Variants in LRCH1 observed in about 807,000 individuals in gnomAD.
The protein encoded by LRCH1 is leucine rich repeats and calponin homology domain containing 1, also known as leucine-rich repeat and calponin homology domain-containing protein 1.
Under a neutral mutation model 94.9 loss-of-function variants are expected in LRCH1, and 23 were observed. The ratio of observed to expected loss-of-function variants is 0.24; its 90% CI spans 0.17 to 0.34. LRCH1 has a LOEUF of 0.34. LRCH1 is among the 10% of genes least tolerant of loss of function. The probability of loss-of-function intolerance (pLI) is 1.00; values close to 1 mark genes in which losing one functional copy is unlikely to be tolerated. For synonymous variants in LRCH1, 364 were observed against 354.9 expected (o/e 1.03, Z -0.29); for missense variants, 790 against 945.9 (o/e 0.84, Z 2.16).
At chr13:46,566,435 C>G (rs555045198) in intron 1 of LRCH1, among the ~76,000 whole-genome samples, 30 of 152,082 alleles carry the variant, frequency 2.0e-4, no homozygotes, top group Admixed American at 1.9e-3. Context: ...TATGGTAACT[C>G]GGAAGGGGGA....
intron 18 of LRCH1, among the ~76,000 whole-genome samples, chr13:46,750,343 A>G (rs1337186173): frequency 6.6e-6 from 1 of 152,154 alleles, no homozygotes; most frequent in African/African-American, 2.4e-5. Context: ...TGCATGTGTG[A>G]AAAATCATTA....
At chr13:46,578,060 T>A (rs2050323145) in intron 1 of LRCH1, among the ~76,000 whole-genome samples, 1 of 152,206 alleles carries the variant, frequency 6.6e-6, no homozygotes, top group Non-Finnish European at 1.5e-5. Context: ...ATTTGCTCCC[T>A]TATAATCACA....
At chr13:46,737,636 A>G (rs967161536) in intron 19 of LRCH1, among the ~76,000 whole-genome samples, 2 of 152,164 alleles carry the variant, frequency 1.3e-5, no homozygotes, top group African/African-American at 4.8e-5. Flanking sequence ...GGGCTTCCAA[A>G]TTCTTTGGGA....
downstream of LRCH1, among the ~76,000 whole-genome samples, chr13:46,748,570 A>T (rs143650049): frequency 3.9e-5 from 6 of 152,334 alleles, no homozygotes; most frequent in East Asian, 1.2e-3. Flanking sequence ...GGACACTGTC[A>T]TCAGGCCACA....
intron 1 of LRCH1, among the ~76,000 whole-genome samples, chr13:46,631,585 T>C (rs1017307810): frequency 2.0e-5 from 3 of 152,196 alleles, no homozygotes; most frequent in African/African-American, 7.2e-5. Context: ...ACTTTTTTTT[T>C]CTAGTAATTT....
rs914015450 is a variant in LRCH1, at chr13:46,690,770, T to G, written c.1014+1574T>G. On this transcript the variant is annotated intron_variant, in intron 7 of 19. Transcript: ENST00000389797. Reference sequence around the variant, plus strand: ...TTCCTAAGTACACCTCCAAGAAATTTATTTTTTAGAGTGATAAGTGTTCCA... The same window carrying G: ...TTCCTAAGTACACCTCCAAGAAATTGATTTTTTAGAGTGATAAGTGTTCCA... Among the ~76,000 whole-genome samples, 4 of 152,210 alleles carry G rather than the reference T, an allele frequency of 2.6e-5. No homozygotes were observed. In the South Asian group the frequency reaches 8.3e-4, roughly 32 times the overall value.
chr13:46,703,512 A>C (rs1871595167), intron 11 of LRCH1, among the ~76,000 whole-genome samples: 1 of 152,200 alleles, frequency 6.6e-6, no homozygotes, highest in African/African-American at 2.4e-5. Context: ...AAAACTTCGG[A>C]GTGAAATCTA....
At chr13:46,728,542 T>C (rs979743149) in intron 17 of LRCH1, among the ~76,000 whole-genome samples, 26 of 152,254 alleles carry the variant, frequency 1.7e-4, no homozygotes, top group African/African-American at 5.5e-4. Context: ...TAATCCCTCT[T>C]CTGCCCCATG....
At chr13:46,664,552 G>A (rs2051490771) in intron 2 of LRCH1, among the ~76,000 whole-genome samples, 1 of 152,202 alleles carries the variant, frequency 6.6e-6, no homozygotes, top group Non-Finnish European at 1.5e-5. Context: ...TAGACACTTA[G>A]GTTTGTGTAA....
intron 1 of LRCH1, among the ~76,000 whole-genome samples, chr13:46,639,275 CT>C (rs1404065816): frequency 1.3e-5 from 2 of 152,166 alleles, no homozygotes; most frequent in Non-Finnish European, 2.9e-5. Flanking sequence ...GAAGTCCACT[CT>C]TTTCTCTGAT....
rs35848521 is a variant in LRCH1 at position 46,567,492 on chromosome 13, T to TTGTGTGTGTGTGTGTGTGTGTGTGTG, written c.307+13799_307+13824dup. Among the ~76,000 whole-genome samples, 179 of 141,946 alleles carry TTGTGTGTGTGTGTGTGTGTGTGTGTG rather than the reference T, an allele frequency of 1.3e-3. 2 individuals are homozygous for TTGTGTGTGTGTGTGTGTGTGTGTGTG. The highest frequency in any genetic ancestry group is 4.6e-3 in the African/African-American group (171 of 37,056). The allele number at this position is 141,946 out of a possible 152,430, so 93.1% of individuals were successfully genotyped here. A position where few individuals can be genotyped will look rare whatever the true frequency, so the allele number is the denominator to read the frequency against. On this transcript the variant is annotated intron_variant, in intron 1 of 19. Transcript: ENST00000389797. ...TCTCTGCATGCAATTTAAGGCAATT[T>TTGTGTGTGTGTGTGTGTGTGTGTGTG]TGTGTGTGTGTGTGTGTGTGTGTGT...
rs529244509 is a variant in LRCH1 at position 46,744,766 on chromosome 13, T to C, written c.*2918T>C. On this transcript the variant is annotated 3_prime_UTR_variant, in exon 20 of 20. Coordinates refer to ENST00000389797, the MANE Select transcript of LRCH1 (RefSeq NM_001164211.2). ...AAAGTAGGGATGATATTTTAAAATT[T>C]TAAGAAACTGAAAGTTGTTTTGGAT... is the stretch of plus-strand genomic sequence containing the variant. The C allele has an allele frequency of 8.8e-4, 870 of 985,376 alleles. 1 individual carries two copies. Among genetic ancestry groups the C allele is most frequent in the Middle Eastern group, 5.2e-3 (10 of 1,914 alleles). 61.0% of individuals were successfully genotyped at this position (985,376 alleles called of 1,614,324 possible). A position where few individuals can be genotyped will look rare whatever the true frequency, so the allele number is the denominator to read the frequency against.
Position 46,743,556 on chromosome 13 carries a change from C to T in LRCH1, c.*1708C>T, listed in dbSNP as rs1873773104. ...CTTTGTACGATGTCTAATGAGCACC[C>T]TGAGCCATAAATTGCTTAATAAACA... is the stretch of plus-strand genomic sequence containing the variant. On this transcript the variant is annotated 3_prime_UTR_variant, in exon 20 of 20. Transcript: ENST00000389797. The T allele has an allele frequency of 3.0e-6, 3 of 985,718 alleles. No homozygotes were observed. The highest frequency in any genetic ancestry group is 4.7e-5 in the South Asian group (1 of 21,292). 61.1% of individuals were successfully genotyped at this position (985,718 alleles called of 1,614,324 possible). A position where few individuals can be genotyped will look rare whatever the true frequency, so the allele number is the denominator to read the frequency against.
chr13:46,626,930 C>A (rs1299297408), intron 1 of LRCH1, among the ~76,000 whole-genome samples: 1 of 152,074 alleles, frequency 6.6e-6, no homozygotes, highest in East Asian at 1.9e-4. Flanking sequence ...GAGATGAACA[C>A]CAGGTAGTGT....
At chr13:46,694,776 C>G (rs1871088210) in intron 8 of LRCH1, 117 bp from the exon 9 acceptor site, 1 of 1,117,004 alleles carries the variant, frequency 9.0e-7, no homozygotes, top group African/African-American at 1.6e-5. Context: ...TTTCATATAC[C>G]TTCTTCATAG....
chr13:46,693,345 C>G (rs1321722032), intron 8 of LRCH1, among the ~76,000 whole-genome samples: 5 of 152,302 alleles, frequency 3.3e-5, no homozygotes, highest in African/African-American at 9.6e-5. Context: ...ACTCCATCAT[C>G]TTTAACACAG....
intron 13 of LRCH1, among the ~76,000 whole-genome samples, chr13:46,709,788 C>T (rs907285763): frequency 6.6e-6 from 1 of 151,692 alleles, no homozygotes; most frequent in Non-Finnish European, 1.5e-5. Context: ...TGTTTTCCTT[C>T]TGTAGGGCAA....
At chr13:46,686,081 T>C in intron 5 of LRCH1, 40 bp downstream of exon 5, 3 of 1,458,140 alleles carry the variant, frequency 2.1e-6, no homozygotes, top group Non-Finnish European at 2.7e-6. Flanking sequence ...CCATGGGATG[T>C]GCTGTTATAG....
At chr13:46,625,933 G>A (rs1027528305) in intron 1 of LRCH1, among the ~76,000 whole-genome samples, 2 of 152,108 alleles carry the variant, frequency 1.3e-5, no homozygotes, top group Admixed American at 6.5e-5. Context: ...GATTACAGGC[G>A]TGAGCCACCG....
Sources: gnomAD v4.1 joint callset for allele counts (sites outside exome capture counted in the v4.1 genomes callset) on GRCh38, gnomAD v4.1.1 for gene constraint, MANE v1.5 for transcripts, NCBI Gene and HGNC (gene_info 2026-07-23, HGNC 2026-07-21) for gene names.